HSDL2: variants seen among roughly 807,000 people sequenced by gnomAD.
The protein encoded by HSDL2 is hydroxysteroid dehydrogenase like 2, also known as hydroxysteroid dehydrogenase-like protein 2.
HSDL2 carries 27 observed loss-of-function variants against 46.3 expected under a neutral mutation model. The ratio of observed to expected loss-of-function variants is 0.58; its 90% CI spans 0.43 to 0.80. The LOEUF (loss-of-function observed/expected upper bound fraction) is 0.80, where lower values mean the gene tolerates loss of function less well. Ranked by LOEUF, HSDL2 falls within the 30% of genes least tolerant of loss-of-function variation. The probability of loss-of-function intolerance (pLI) is 0.00; values close to 1 mark genes in which losing one functional copy is unlikely to be tolerated. For missense variants in HSDL2, 451 were observed against 502.7 expected (o/e 0.90, Z 0.98); for synonymous variants, 153 against 163.6 (o/e 0.94, Z 0.50).
chr9:112,437,748 C>G (rs1407857958), intron 6 of HSDL2, among the ~76,000 whole-genome samples: 1 of 152,212 alleles, frequency 6.6e-6, no homozygotes, highest in Non-Finnish European at 1.5e-5. Context: ...AGGCAGTAAT[C>G]TCTTAGCTGT....
intron 10 of HSDL2, among the ~76,000 whole-genome samples, chr9:112,460,827 G>A (rs1420113980): frequency 2.6e-5 from 4 of 152,100 alleles, no homozygotes; most frequent in East Asian, 1.9e-4. Context: ...ATATACATAT[G>A]TATGATGCTA....
chr9:112,427,599 T>C (rs1446978175), intron 6 of HSDL2, among the ~76,000 whole-genome samples: 1 of 152,242 alleles, frequency 6.6e-6, no homozygotes, highest in African/African-American at 2.4e-5. Context: ...ATTGCATTTG[T>C]TTGATAAGTC....
chr9:112,449,395 C>A (rs1832828265), intron 8 of HSDL2, among the ~76,000 whole-genome samples: 1 of 152,048 alleles, frequency 6.6e-6, no homozygotes, highest in South Asian at 2.1e-4. Flanking sequence ...CCTCTTTCCT[C>A]TGTTTTAAAA....
chr9:112,440,117 C>T (rs1164880578), intron 7 of HSDL2, among the ~76,000 whole-genome samples: 1 of 152,106 alleles, frequency 6.6e-6, no homozygotes, highest in Non-Finnish European at 1.5e-5. Flanking sequence ...TCTTCCGGGT[C>T]CTGGTACCCA....
intron 1 of HSDL2, among the ~76,000 whole-genome samples, chr9:112,402,113 C>T (rs900042899): frequency 2.6e-5 from 4 of 152,162 alleles, no homozygotes; most frequent in African/African-American, 9.7e-5. Context: ...CACTTTTGCT[C>T]TTCTTTCTCC....
chr9:112,469,895 A>G (rs1833520223), intron 10 of HSDL2: 2 of 152,230 alleles, frequency 1.3e-5, no homozygotes, highest in South Asian at 2.1e-4. Context: ...CATATTTATT[A>G]CATGTTGTTA....
At chr9:112,460,352 T>A (rs1210947786) in intron 10 of HSDL2, among the ~76,000 whole-genome samples, 1 of 152,234 alleles carries the variant, frequency 6.6e-6, no homozygotes, top group East Asian at 1.9e-4. Flanking sequence ...GGATGCTAAT[T>A]GCCTGCATTC....
rs1171097390 is a variant in HSDL2 at position 112,420,515 on chromosome 9, A to AC, written c.598+1557_598+1558insC. Among the ~76,000 whole-genome samples, 667 of 118,920 alleles carry AC rather than the reference A, an allele frequency of 5.6e-3. 4 individuals are homozygous for AC. The highest frequency in any genetic ancestry group is 8.5e-3 in the Non-Finnish European group (441 of 51,736). The allele number at this position is 118,920 out of a possible 152,430, so 78.0% of individuals were successfully genotyped here. ...ACATAGTGAGGCCTCTTAAAAAAAA[A>AC]AACACACACAAAAAAAACCTAGCTA... is the stretch of plus-strand genomic sequence containing the variant. On this transcript the variant is annotated intron_variant, in intron 6 of 10. Coordinates refer to ENST00000398805, the MANE Select transcript of HSDL2 (RefSeq NM_032303.5).
chr9:112,456,357 C>G (rs1401023657), intron 9 of HSDL2, among the ~76,000 whole-genome samples: 2 of 152,322 alleles, frequency 1.3e-5, no homozygotes, highest in East Asian at 1.9e-4. Context: ...TTGATGACTT[C>G]CCTGTCACCA....
At chr9:112,388,780 A>AT (rs1831274123) in intron 1 of HSDL2, among the ~76,000 whole-genome samples, 1 of 147,508 alleles carries the variant, frequency 6.8e-6, no homozygotes, top group African/African-American at 2.6e-5. Context: ...GGATCATTAT[A>AT]TTTTTTAAAA....
At chr9:112,431,787 T>C (rs570293091) in intron 6 of HSDL2, among the ~76,000 whole-genome samples, 1 of 152,136 alleles carries the variant, frequency 6.6e-6, no homozygotes, top group East Asian at 1.9e-4. Flanking sequence ...AGAAGCCAAG[T>C]GATGTTGGAG....
intron 10 of HSDL2, among the ~76,000 whole-genome samples, chr9:112,464,110 T>C (rs1382461490): frequency 6.6e-6 from 1 of 151,594 alleles, no homozygotes; most frequent in African/African-American, 2.4e-5. Context: ...CTCATGCCTA[T>C]AATCCCAACA....
chr9:112,417,956 T>C (rs544002660), intron 5 of HSDL2, among the ~76,000 whole-genome samples: 2 of 152,216 alleles, frequency 1.3e-5, no homozygotes, highest in East Asian at 3.9e-4. Context: ...TGCACACCTG[T>C]AATCCCAGCT....
chr9:112,467,990 C>A (rs1053208425), intron 10 of HSDL2, among the ~76,000 whole-genome samples: 1 of 151,944 alleles, frequency 6.6e-6, no homozygotes, highest in African/African-American at 2.4e-5. Context: ...AGAAAGGATA[C>A]ATTAGAGATA....
intron 1 of HSDL2, among the ~76,000 whole-genome samples, chr9:112,394,225 C>T (rs1831410107): frequency 6.6e-6 from 1 of 152,130 alleles, no homozygotes; most frequent in Non-Finnish European, 1.5e-5. Flanking sequence ...TACTCGCAGT[C>T]CGGACATGGC....
intron 6 of HSDL2, among the ~76,000 whole-genome samples, chr9:112,423,547 G>C (rs1165503561): frequency 4.0e-5 from 6 of 151,330 alleles, no homozygotes; most frequent in Admixed American, 2.0e-4. Flanking sequence ...TGACCTCAGG[G>C]ATCCACCTGC....
intron 1 of HSDL2, among the ~76,000 whole-genome samples, chr9:112,382,644 A>G (rs1831124146): frequency 6.6e-6 from 1 of 152,202 alleles, no homozygotes; most frequent in Non-Finnish European, 1.5e-5. Flanking sequence ...CATTCCGTAC[A>G]ACAAAGAATT....
rs148938286 is a variant in HSDL2, at chr9:112,457,958, G to A, written c.1016-1491G>A. Among the ~76,000 whole-genome samples, 299 of 152,246 alleles carry A rather than the reference G, an allele frequency of 2.0e-3. 7 individuals are homozygous for A. Among genetic ancestry groups the A allele is most frequent in the African/African-American group, 6.9e-3 (288 of 41,544 alleles). On this transcript the variant is annotated intron_variant, in intron 9 of 10. Coordinates refer to ENST00000398805, the MANE Select transcript of HSDL2 (RefSeq NM_032303.5). Reference sequence around the variant, plus strand: ...ATTTATTATCTACACTGCAGGTAGGGCCATACGTAAACCTTACCATATCAT... The same window carrying A: ...ATTTATTATCTACACTGCAGGTAGGACCATACGTAAACCTTACCATATCAT...
chr9:112,431,128 A>G (rs1213681929), intron 6 of HSDL2, among the ~76,000 whole-genome samples: 3 of 151,970 alleles, frequency 2.0e-5, no homozygotes, highest in Non-Finnish European at 4.4e-5. Context: ...AGTCGCCAGG[A>G]ACTGAGATGG....
Sources: allele counts gnomAD v4.1 joint callset (sites outside exome capture counted in the v4.1 genomes callset), GRCh38; gene constraint gnomAD v4.1.1; transcripts MANE v1.5; gene names NCBI Gene and HGNC (gene_info 2026-07-23, HGNC 2026-07-21).